Variants in SLC25A13 observed in about 807,000 individuals in gnomAD.
The protein encoded by SLC25A13 is solute carrier family 25 member 13.
Under a neutral mutation model 85.5 loss-of-function variants are expected in SLC25A13, and 70 were observed. That is an observed-to-expected ratio of 0.82 (90% CI 0.68 to 1.00). The LOEUF (loss-of-function observed/expected upper bound fraction) is 1.00. Ranked by LOEUF, SLC25A13 falls within the 50% of genes least tolerant of loss-of-function variation. The probability of loss-of-function intolerance (pLI) is 0.00; values close to 1 mark genes in which losing one functional copy is unlikely to be tolerated. For synonymous variants in SLC25A13, 259 were observed against 288.7 expected, an observed-to-expected ratio of 0.90 and a Z score of 1.04; for missense variants, 765 against 819.8, an observed-to-expected ratio of 0.93 and a Z score of 0.82.
At chr7:96,194,402 C>T (rs541043970) in intron 5 of SLC25A13, among the ~76,000 whole-genome samples, 16 of 121,440 alleles carry the variant, frequency 1.3e-4, no homozygotes, top group African/African-American at 4.4e-4. Context: ...GAGATCATGC[C>T]GCCACACTCC....
At chr7:96,245,387 C>G (rs1043076858) in intron 3 of SLC25A13, among the ~76,000 whole-genome samples, 1 of 152,142 alleles carries the variant, frequency 6.6e-6, no homozygotes, top group African/African-American at 2.4e-5. Context: ...ATGCTCCGAT[C>G]ACGGCCAATC....
chr7:96,213,783 T>A lies in SLC25A13; in HGVS notation c.329-4806A>T, dbSNP rs180833988. On this transcript the variant is annotated intron_variant, in intron 4 of 17. Transcript: ENST00000265631. ...TACAAGGCTTATACTCTTTTCCCCATGTTGAGGTCATATAGGCAAAGAAAC... is the reference window on the plus strand; with the variant it reads ...TACAAGGCTTATACTCTTTTCCCCAAGTTGAGGTCATATAGGCAAAGAAAC... Among the ~76,000 whole-genome samples the A allele has an allele frequency of 3.7e-4, 57 of 152,304 alleles. 1 individual carries two copies. The East Asian group carries it at 6.4e-3, about 17-fold the overall frequency.
At position 96,217,412 on chromosome 7, in the gene SLC25A13, C is replaced by T. The variant is rs949243437; in HGVS notation, c.329-8435G>A. On this transcript the variant is annotated intron_variant, in intron 4 of 17. Transcript: ENST00000265631. ...TACTCAAGAGAAATGAAAACATATGCCCATACAAACTCACATACATGAATG... is the reference window on the plus strand; with the variant it reads ...TACTCAAGAGAAATGAAAACATATGTCCATACAAACTCACATACATGAATG... Among the ~76,000 whole-genome samples the T allele has an allele frequency of 1.4e-4, 22 of 152,034 alleles. 1 individual carries two copies. The highest frequency in any genetic ancestry group is 1.5e-5 in the Non-Finnish European group (1 of 67,978).
rs183388054 is a variant in SLC25A13, at chr7:96,172,134, C to G, written c.1178-610G>C. On this transcript the variant is annotated intron_variant, in intron 11 of 17. Transcript: ENST00000265631. ...CTCACAGCCTCTTCTGAGGGACCAG[C>G]CCTGCCCACACTCTCTTCCTAAAGG... Among the ~76,000 whole-genome samples the G allele has an allele frequency of 2.5e-3, 374 of 152,284 alleles. 1 individual carries two copies. The highest frequency in any genetic ancestry group is 0.02 in the Middle Eastern group (6 of 294).
intron 3 of SLC25A13, among the ~76,000 whole-genome samples, chr7:96,252,409 G>C (rs1797467425): frequency 6.6e-6 from 1 of 152,206 alleles, no homozygotes; most frequent in African/African-American, 2.4e-5. Context: ...AGGAAAGAAT[G>C]CTTGGAGAGA....
chr7:96,195,682 C>T (rs913150303), intron 5 of SLC25A13, among the ~76,000 whole-genome samples: 1 of 152,170 alleles, frequency 6.6e-6, no homozygotes, highest in Non-Finnish European at 1.5e-5. Flanking sequence ...CCCATGCCCA[C>T]CCCTGCCAGA....
chr7:96,139,160 TATG>T lies in SLC25A13; in HGVS notation c.1453-7282_1453-7280del, dbSNP rs1314855031. Among the ~76,000 whole-genome samples the T allele has an allele frequency of 3.9e-5, 6 of 152,188 alleles. No individual in the cohort carries two copies. The East Asian group carries it at 1.2e-3, about 29-fold the overall frequency. ...CACAACGATACTATGAATAGGTAGG[TATG>T]ATTATTATCCTCTTTCTACACACGA... On this transcript the variant is annotated intron_variant, in intron 14 of 17. Coordinates refer to ENST00000265631, the MANE Select transcript of SLC25A13 (RefSeq NM_014251.3).
At chr7:96,275,165 C>A (rs1439652124) in intron 3 of SLC25A13, among the ~76,000 whole-genome samples, 1 of 152,030 alleles carries the variant, frequency 6.6e-6, no homozygotes, top group South Asian at 2.1e-4. Context: ...TTGTTTGTAT[C>A]CTCTTTTATT....
At chr7:96,258,706 A>T (rs1022056081) in intron 3 of SLC25A13, among the ~76,000 whole-genome samples, 3 of 152,238 alleles carry the variant, frequency 2.0e-5, no homozygotes, top group Admixed American at 1.3e-4. Context: ...CAGAATTAGA[A>T]AAAACTACTT....
chr7:96,229,675 G>C (rs1258986518), intron 4 of SLC25A13, among the ~76,000 whole-genome samples: 3 of 151,558 alleles, frequency 2.0e-5, no homozygotes, highest in Non-Finnish European at 4.4e-5. Context: ...AACAACTCTG[G>C]ACGGGAGGAA....
In SLC25A13 at chr7:96,277,255, G is replaced by C; in HGVS notation, c.153C>G (p.Ser51Arg). 1 of 1,611,582 alleles carries C rather than the reference G, an allele frequency of 6.2e-7. No individual in the cohort carries two copies. The highest frequency in any genetic ancestry group is 8.5e-7 in the Non-Finnish European group (1 of 1,178,816). Reference sequence around the variant, plus strand: ...GTTCCACAGTCTTTGGATTAGGCTGGCTTTCTCCAAAAATGTTCAAGTATC... The same window carrying C: ...GTTCCACAGTCTTTGGATTAGGCTGCCTTTCTCCAAAAATGTTCAAGTATC... ...VTRYLNIFGE[S>R]QPNPKTVELL... The change falls in exon 3 of 18, where the codon AGC (serine) becomes AGG (arginine). Residue 51 changes from serine (S) to arginine (R), a missense_variant. Coordinates refer to ENST00000265631, the MANE Select transcript of SLC25A13 (RefSeq NM_014251.3).
intron 3 of SLC25A13, among the ~76,000 whole-genome samples, chr7:96,267,864 A>G (rs1798095714): frequency 6.6e-6 from 1 of 152,058 alleles, no homozygotes; most frequent in Admixed American, 6.6e-5. Context: ...ACAAAGTGGC[A>G]GGGGGCTGAC....
intron 3 of SLC25A13, among the ~76,000 whole-genome samples, chr7:96,258,457 A>G (rs1460443369): frequency 6.6e-6 from 1 of 152,202 alleles, no homozygotes; most frequent in Non-Finnish European, 1.5e-5. Flanking sequence ...GCAAACTCCC[A>G]TTCACAATTG....
intron 2 of SLC25A13, among the ~76,000 whole-genome samples, chr7:96,293,837 G>A (rs553442816): frequency 0.011 from 1,677 of 152,284 alleles, 30 homozygotes; most frequent in African/African-American, 0.039. Flanking sequence ...TGGTGGGACT[G>A]TAAACTAGTT....
intron 8 of SLC25A13, 33 bp downstream of exon 8, chr7:96,189,548 A>G: frequency 6.5e-7 from 1 of 1,543,852 alleles, no homozygotes; most frequent in Non-Finnish European, 8.8e-7. Context: ...TATTAAGCTA[A>G]TTCCAAAAAA....
At chr7:96,271,866 A>ATTATT (rs1208230182) in intron 3 of SLC25A13, among the ~76,000 whole-genome samples, 1 of 151,822 alleles carries the variant, frequency 6.6e-6, no homozygotes, top group Non-Finnish European at 1.5e-5. Flanking sequence ...AATTTATTTT[A>ATTATT]TTATTTTATT....
intron 13 of SLC25A13, among the ~76,000 whole-genome samples, chr7:96,153,026 T>G (rs932835520): frequency 6.6e-6 from 1 of 152,104 alleles, no homozygotes; most frequent in African/African-American, 2.4e-5. Context: ...AGAAAATATC[T>G]AGGGGGAAGA....
rs1794748445 is a variant in SLC25A13 at position 96,189,236 on chromosome 7, G to C, written c.933+58C>G. The stretch of plus-strand genomic sequence containing the variant: ...CGCAAAGGCAACTGCAAGTGGAACA[G>C]GGTTGGGGTATCCTGCTAAGGAAAC... On this transcript the variant is annotated intron_variant, in intron 9 of 17. Transcript: ENST00000265631. 44 of 1,471,112 alleles carry C rather than the reference G, an allele frequency of 3.0e-5. No individual in the cohort carries two copies. The South Asian group carries it at 4.8e-4, about 16-fold the overall frequency. The allele number at this position is 1,471,112 out of a possible 1,614,324, so 91.1% of individuals were successfully genotyped here.
chr7:96,129,487 A>C (rs1363458306), intron 15 of SLC25A13, among the ~76,000 whole-genome samples: 1 of 152,192 alleles, frequency 6.6e-6, no homozygotes, highest in African/African-American at 2.4e-5. Flanking sequence ...CTGATTCAAC[A>C]TAGGGGAAAA....
Sources: gnomAD v4.1 joint callset for allele counts (sites outside exome capture counted in the v4.1 genomes callset) on GRCh38, gnomAD v4.1.1 for gene constraint, MANE v1.5 for transcripts, NCBI Gene and HGNC (gene_info 2026-07-23, HGNC 2026-07-21) for gene names.